Variants in OCRL observed in about 807,000 individuals in gnomAD.
OCRL encodes inositol polyphosphate 5-phosphatase OCRL.
Under a neutral mutation model 78.9 loss-of-function variants are expected in OCRL, and 8 were observed. The observed-to-expected ratio is 0.10, with a 90% CI of 0.06 to 0.18. The LOEUF (loss-of-function observed/expected upper bound fraction) is 0.18. Ranked by LOEUF, OCRL falls within the 10% of genes least tolerant of loss-of-function variation. The pLI is 1.00. For synonymous variants in OCRL, 240 were observed against 235.4 expected (o/e 1.02, Z -0.18); for missense variants, 454 against 696.7 (o/e 0.65, Z 3.92).
Position 129,573,686 on chromosome X carries a change from C to T in OCRL, c.1603-1454C>T, listed in dbSNP as rs756924035. ...TCTCCTGCCTCAGCCTCCCAAGTGA[C>T]TGGGATTACAGGCACCCACCACCAT... On this transcript the variant is annotated intron_variant, in intron 15 of 23. Coordinates refer to ENST00000371113, the MANE Select transcript of OCRL (RefSeq NM_000276.4). Among the ~76,000 whole-genome samples, 27 of 111,644 alleles carry T rather than the reference C, an allele frequency of 2.4e-4. No individual in the cohort carries two copies. In the South Asian group the frequency reaches 9.9e-3, roughly 41 times the overall value.
chrX:129,576,485 C>G lies in OCRL; in HGVS notation c.2048C>G (p.Ser683Cys). 2.5e-6 allele frequency: 3 copies of G among 1,211,440 alleles called. No individual in the cohort carries two copies. The highest frequency in any genetic ancestry group is 3.4e-6 in the Non-Finnish European group (3 of 895,038). ...GNYLPSCFGT[S>C]LEALCRMKRP... ...TACCTCCCAAGTTGTTTTGGCACAT[C>G]CTTAGAGGCTCTGTGCCGTATGAAA... The change falls in exon 18 of 24, where the codon TCC (serine) becomes TGC (cysteine). Residue 683 changes from serine to cysteine, a missense_variant. Ser to Cys is a moderately radical substitution (Grantham distance 112). This residue lies in a region of OCRL where 277 missense variants were observed against 517.1 expected (regional missense o/e 0.54). Transcript: ENST00000371113.
intron 2 of OCRL, among the ~76,000 whole-genome samples, chrX:129,541,170 C>T (rs1388971124): frequency 8.9e-6 from 1 of 112,543 alleles, no homozygotes; most frequent in Admixed American, 9.4e-5. Context: ...AAACCATTAA[C>T]TGCCTTACCT....
At chrX:129,544,804 G>A (rs1333783892) in intron 2 of OCRL, among the ~76,000 whole-genome samples, 154 bp from the exon 3 acceptor site, 1 of 112,163 alleles carries the variant, frequency 8.9e-6, no homozygotes, top group Non-Finnish European at 1.9e-5. Flanking sequence ...TAGGCCTAGA[G>A]CAATATCTAG....
chrX:129,543,681 G>T (rs1034436505), intron 2 of OCRL, among the ~76,000 whole-genome samples: 1 of 112,683 alleles, frequency 8.9e-6, no homozygotes, highest in African/African-American at 3.2e-5. Flanking sequence ...TCCTATCCCA[G>T]GTTATCCTCT....
intron 4 of OCRL, among the ~76,000 whole-genome samples, chrX:129,550,327 C>T (rs1850452681): frequency 8.9e-6 from 1 of 111,866 alleles, no homozygotes; most frequent in Admixed American, 9.5e-5. Context: ...TTTTATCCTG[C>T]GTCTTCATTT....
chrX:129,581,568 G>A (rs949081301), intron 18 of OCRL, among the ~76,000 whole-genome samples: 1 of 110,013 alleles, frequency 9.1e-6, no homozygotes, highest in African/African-American at 3.3e-5. Context: ...TAAATCTCTT[G>A]TCCCTCCATC....
chrX:129,583,457 G>C (rs985241846), intron 18 of OCRL, among the ~76,000 whole-genome samples: 16 of 111,948 alleles, frequency 1.4e-4, no homozygotes, highest in African/African-American at 4.5e-4. Context: ...CTAATAGTGA[G>C]TGTGGCCTTG....
At chrX:129,581,194 C>T (rs1357399342) in intron 18 of OCRL, among the ~76,000 whole-genome samples, 3 of 112,439 alleles carry the variant, frequency 2.7e-5, no homozygotes, top group Non-Finnish European at 5.6e-5. Context: ...TTGCATCTTC[C>T]ACCTCTAATT....
Position 129,575,944 on chromosome X carries a change from C to G in OCRL, c.1761C>G (p.Phe587Leu). 8.3e-7 allele frequency: 1 copy of G among 1,211,722 alleles called. No homozygotes were observed. The highest frequency in any genetic ancestry group is 1.1e-6 in the Non-Finnish European group (1 of 895,297). ...VKFRQLQKEKFQISNNGQVPC... is the reference protein window; with the variant it reads ...VKFRQLQKEKLQISNNGQVPC... ...TTCGGCAACTACAAAAGGAGAAGTT[C>G]CAGATCAGCAACAATGGACAGGTTC... is the stretch of plus-strand genomic sequence containing the variant. Residue 587 changes from phenylalanine (F) to leucine (L), a missense_variant, in exon 17 of 24, where the codon TTC (phenylalanine) becomes TTG (leucine). Phe to Leu is a conservative substitution (Grantham distance 22, BLOSUM62 0). Around this residue, in one of 2 missense-constraint regions of OCRL, gnomAD observed 277 missense variants for 517.1 expected, o/e 0.54. Transcript: ENST00000371113.
chrX:129,587,161 A>G (rs1416747571), intron 20 of OCRL, 43 bp downstream of exon 20: 2 of 837,600 alleles, frequency 2.4e-6, no homozygotes, highest in East Asian at 3.1e-5. Context: ...GAAGGTGTGT[A>G]ACTACTATAG....
rs150466103 is a variant in OCRL at position 129,561,218 on chromosome X, C to T, written c.864C>T (p.Tyr288=). The T allele has an allele frequency of 4.5e-5, 54 of 1,207,398 alleles. No individual in the cohort carries two copies. In the African/African-American group the frequency reaches 8.7e-4, roughly 20 times the overall value. Residue 288 remains tyrosine (Y), a synonymous_variant, in exon 10 of 24, where the codon TAC becomes TAT. Coordinates refer to ENST00000371113, the MANE Select transcript of OCRL (RefSeq NM_000276.4). The part of the protein sequence containing the change: ...ELDLSTEAFF[Y]FESVKEQEWS... ...ACTTGAGCACAGAAGCCTTCTTCTA[C>T]TTTGAATCTGTGAAGGAACAAGAAT...
intron 6 of OCRL, among the ~76,000 whole-genome samples, chrX:129,558,351 C>G (rs764639290): frequency 1.8e-5 from 2 of 112,085 alleles, no homozygotes; most frequent in East Asian, 5.6e-4. Context: ...ATGATATAGT[C>G]CCTTACTCTC....
intron 12 of OCRL, among the ~76,000 whole-genome samples, 200 bp from the exon 13 acceptor site, chrX:129,565,569 TCTC>T (rs1227008132): frequency 8.9e-6 from 1 of 112,205 alleles, no homozygotes; most frequent in African/African-American, 3.2e-5. Context: ...AGAGTCCTCT[TCTC>T]CTACCTATTT....
chrX:129,541,481 C>T (rs987596113), intron 2 of OCRL, among the ~76,000 whole-genome samples: 39 of 112,162 alleles, frequency 3.5e-4, no homozygotes, highest in Middle Eastern at 9.1e-3. Flanking sequence ...ACCTTCCTCT[C>T]TGCCATAGGA....
chrX:129,564,602 A>T (rs1206332962), intron 12 of OCRL, among the ~76,000 whole-genome samples: 7 of 110,855 alleles, frequency 6.3e-5, no homozygotes, highest in East Asian at 2.8e-4. Context: ...ATCATCATTC[A>T]CAGTAAACTA....
intron 18 of OCRL, among the ~76,000 whole-genome samples, chrX:129,583,451 TAGTG>T (rs1936470629): frequency 8.9e-6 from 1 of 111,930 alleles, no homozygotes; most frequent in Non-Finnish European, 1.9e-5. Context: ...TACTACCTAA[TAGTG>T]AGTGTGGCCT....
At chrX:129,563,355 A>C (rs1936170494) in intron 12 of OCRL, among the ~76,000 whole-genome samples, 1 of 112,459 alleles carries the variant, frequency 8.9e-6, no homozygotes, top group South Asian at 3.7e-4. Context: ...AATATTGATC[A>C]CATGTTGAAA....
At chrX:129,589,045 C>G (rs1345013982) in intron 22 of OCRL, 32 bp downstream of exon 22, 1 of 1,206,738 alleles carries the variant, frequency 8.3e-7, no homozygotes, top group Non-Finnish European at 1.1e-6. Flanking sequence ...ATGTGTTTGA[C>G]GCAGATTGCC....
At chrX:129,585,841 C>T (rs758762511) in intron 19 of OCRL, among the ~76,000 whole-genome samples, 86 of 111,940 alleles carry the variant, frequency 7.7e-4, no homozygotes, top group African/African-American at 2.7e-3. Context: ...GACCTCAGCT[C>T]GGCTGTAGTG....
Sources: gnomAD v4.1 joint callset for allele counts (sites outside exome capture counted in the v4.1 genomes callset) on GRCh38, gnomAD v4.1.1 for gene constraint, gnomAD v4.1.1 regional missense constraint, MANE v1.5 for transcripts, NCBI Gene and HGNC (gene_info 2026-07-23, HGNC 2026-07-21) for gene names.